The following NRP1 variants were observed in gnomAD, a reference collection of about 807,000 sequenced individuals.
The protein encoded by NRP1 is neuropilin 1.
Under a neutral mutation model 106.7 loss-of-function variants are expected in NRP1, and 35 were observed. The observed-to-expected ratio is 0.33, with a 90% CI of 0.25 to 0.43. The LOEUF is 0.43. NRP1 is among the 20% of genes least tolerant of loss of function. NRP1 has a pLI of 1.00. For synonymous variants in NRP1, 437 were observed against 417.9 expected, an observed-to-expected ratio of 1.05 and a Z score of -0.56; for missense variants, 1,024 against 1,170.4, an observed-to-expected ratio of 0.87 and a Z score of 1.83.
At position 33,199,367 on chromosome 10, in the gene NRP1, C is replaced by CTATATATATATATATATATATA. The variant is rs1413431395; in HGVS notation, c.1865-1680_1865-1659dup. 2.8e-3 allele frequency among the ~76,000 whole-genome samples: 150 copies of CTATATATATATATATATATATA among 54,260 alleles called. 19 individuals are homozygous for CTATATATATATATATATATATA. Among genetic ancestry groups the CTATATATATATATATATATATA allele is most frequent in the East Asian group, 0.014 (13 of 952 alleles). The allele number at this position is 54,260 out of a possible 152,430, so 35.6% of individuals were successfully genotyped here. A position where few individuals can be genotyped will look rare whatever the true frequency, so the allele number is the denominator to read the frequency against. On this transcript the variant is annotated intron_variant, in intron 11 of 16. Transcript: ENST00000374867. The stretch of plus-strand genomic sequence containing the variant: ...GTGCGCCACCATGCCTGGCTGTTTT[C>CTATATATATATATATATATATA]TATATATATATATATATATATATTT...
Position 33,185,814 on chromosome 10 carries a change from A to G in NRP1, c.2335-90T>C, listed in dbSNP as rs1375067526. 1.8e-5 allele frequency: 20 copies of G among 1,114,324 alleles called. No homozygotes were observed. The Admixed American group carries it at 3.5e-4, about 20-fold the overall frequency. 69.0% of individuals were successfully genotyped at this position (1,114,324 alleles called of 1,614,324 possible). On this transcript the variant is annotated intron_variant, in intron 14 of 16. Coordinates refer to ENST00000374867, the MANE Select transcript of NRP1 (RefSeq NM_003873.7). Reference sequence around the variant, plus strand: ...GCTTGTTCAGCTCCAGCTACGGCACATAAATTAAATTCATCAGATTCAGCG... The same window carrying G: ...GCTTGTTCAGCTCCAGCTACGGCACGTAAATTAAATTCATCAGATTCAGCG...
intron 13 of NRP1, among the ~76,000 whole-genome samples, chr10:33,189,565 G>C (rs1412181649): frequency 6.6e-6 from 1 of 152,170 alleles, no homozygotes; most frequent in Non-Finnish European, 1.5e-5. Flanking sequence ...GTCAGCATCT[G>C]CCCTGTAACA....
chr10:33,203,026 C>G, intron 10 of NRP1, 31 bp from the exon 11 acceptor site: 1 of 1,582,498 alleles, frequency 6.3e-7, no homozygotes, highest in Non-Finnish European at 8.6e-7. Context: ...TATTATCTCA[C>G]ACCTTGGAAA....
intron 2 of NRP1, among the ~76,000 whole-genome samples, chr10:33,274,286 A>C (rs1474842098): frequency 6.6e-6 from 1 of 151,846 alleles, no homozygotes; most frequent in Non-Finnish European, 1.5e-5. Context: ...ATTTCCCCAG[A>C]CTCCTCATCC....
At chr10:33,185,078 A>G (rs1588680967) in intron 15 of NRP1, among the ~76,000 whole-genome samples, 1 of 152,034 alleles carries the variant, frequency 6.6e-6, no homozygotes, top group Non-Finnish European at 1.5e-5. Flanking sequence ...ATAAAGACCA[A>G]CTCTGAAATA....
intron 6 of NRP1, among the ~76,000 whole-genome samples, 175 bp from the exon 7 acceptor site, chr10:33,226,464 G>A (rs1010998242): frequency 3.3e-5 from 5 of 152,082 alleles, no homozygotes; most frequent in Admixed American, 2.6e-4. Flanking sequence ...TTAAAAAAAG[G>A]CAAAGGCATG....
intron 2 of NRP1, among the ~76,000 whole-genome samples, chr10:33,299,594 C>T (rs1280689520): frequency 6.6e-6 from 1 of 152,094 alleles, no homozygotes; most frequent in Non-Finnish European, 1.5e-5. Context: ...GCCTGGGCAA[C>T]ATAGTGAGAC....
chr10:33,207,055 A>T (rs2474714), intron 10 of NRP1, among the ~76,000 whole-genome samples: 1 of 151,964 alleles, frequency 6.6e-6, no homozygotes, highest in Non-Finnish European at 1.5e-5. Context: ...CTATGTGCTG[A>T]TAATCGACAC....
intron 6 of NRP1, among the ~76,000 whole-genome samples, chr10:33,250,990 A>G (rs908205102): frequency 1.3e-5 from 2 of 152,178 alleles, no homozygotes; most frequent in African/African-American, 4.8e-5. Context: ...AAGAACCATC[A>G]TGATGAGCTG....
chr10:33,213,399 T>C lies in NRP1; in HGVS notation c.1601A>G (p.Lys534Arg). Residue 534 changes from lysine (K) to arginine (R), a missense_variant, in exon 9 of 17, where the codon AAA (lysine) becomes AGA (arginine). Physicochemically the swap from Lys to Arg is conservative, Grantham distance 26. Transcript: ENST00000374867. ...SDWKMIMDDSKRKAKSFEGNN... is the reference protein window; with the variant it reads ...SDWKMIMDDSRRKAKSFEGNN... ...CCCAGCCCTCACCTTCGCCTTGCGT[T>C]TGCTGTCATCCATGATCATCTTCCA... 1 of 1,613,992 alleles carries C rather than the reference T, an allele frequency of 6.2e-7. No individual in the cohort carries two copies. The highest frequency in any genetic ancestry group is 2.2e-5 in the East Asian group (1 of 44,838).
chr10:33,239,261 C>G (rs1840821016), intron 6 of NRP1, among the ~76,000 whole-genome samples: 1 of 151,532 alleles, frequency 6.6e-6, no homozygotes, highest in South Asian at 2.1e-4. Flanking sequence ...GCACTCCAGC[C>G]TGGGCAACAG....
intron 3 of NRP1, among the ~76,000 whole-genome samples, chr10:33,268,033 A>G (rs1564439767): frequency 6.6e-6 from 1 of 152,174 alleles, no homozygotes; most frequent in Non-Finnish European, 1.5e-5. Context: ...GGAAACTTGA[A>G]ATTGCTGCAT....
At chr10:33,195,950 T>C (rs1223065197) in intron 12 of NRP1, among the ~76,000 whole-genome samples, 2 of 152,140 alleles carry the variant, frequency 1.3e-5, no homozygotes, top group Non-Finnish European at 2.9e-5. Context: ...TGTTTGCAAT[T>C]TGCATACCTG....
At chr10:33,227,380 G>A (rs1308471444) in intron 6 of NRP1, among the ~76,000 whole-genome samples, 4 of 152,160 alleles carry the variant, frequency 2.6e-5, no homozygotes, top group African/African-American at 9.7e-5. Flanking sequence ...AAAGCTCTAA[G>A]GGTGTTGTGG....
chr10:33,202,707 A>G (rs1175129367), intron 11 of NRP1, 184 bp downstream of exon 11: 3 of 1,551,750 alleles, frequency 1.9e-6, no homozygotes, highest in South Asian at 1.2e-5. Flanking sequence ...TGTGGCTATT[A>G]AGAACAACTC....
chr10:33,322,125 G>C (rs1316276358), intron 2 of NRP1, among the ~76,000 whole-genome samples: 1 of 152,112 alleles, frequency 6.6e-6, no homozygotes, highest in Admixed American at 6.6e-5. Flanking sequence ...TAGATGACCA[G>C]CGCTTGGAAG....
rs145872657 is a variant in NRP1, at chr10:33,179,910, C to T, written c.*166G>A. 2.4e-4 allele frequency: 168 copies of T among 703,148 alleles called. No individual in the cohort carries two copies. The African/African-American group carries it at 2.7e-3, about 11-fold the overall frequency. The allele number at this position is 703,148 out of a possible 1,614,324, so 43.6% of individuals were successfully genotyped here. Reference sequence around the variant, plus strand: ...CATGAGTCCGATGGTGAACACAGCTCCTTGTCCATGTCTGTCGGCCATACT... The same window carrying T: ...CATGAGTCCGATGGTGAACACAGCTTCTTGTCCATGTCTGTCGGCCATACT... On this transcript the variant is annotated 3_prime_UTR_variant, in exon 17 of 17. Coordinates refer to ENST00000374867, the MANE Select transcript of NRP1 (RefSeq NM_003873.7).
Position 33,257,190 on chromosome 10 carries a change from T to G in NRP1, c.659-719A>C, listed in dbSNP as rs986230746. Among the ~76,000 whole-genome samples, 5 of 152,218 alleles carry G rather than the reference T, an allele frequency of 3.3e-5. No individual in the cohort carries two copies. In the East Asian group the frequency reaches 9.6e-4, roughly 29 times the overall value. On this transcript the variant is annotated intron_variant, in intron 4 of 16. Coordinates refer to ENST00000374867, the MANE Select transcript of NRP1 (RefSeq NM_003873.7). ...AATAAAAATGCATCTGTCTGACTTC[T>G]GTCCTAGTTTCTTCTCTCCTAAATC...
At chr10:33,193,128 T>A (rs1342118837) in intron 12 of NRP1, among the ~76,000 whole-genome samples, 1 of 152,182 alleles carries the variant, frequency 6.6e-6, no homozygotes, top group East Asian at 1.9e-4. Flanking sequence ...TACCCGTTTT[T>A]ACTTCTCTTT....
Sources: allele counts gnomAD v4.1 joint callset (sites outside exome capture counted in the v4.1 genomes callset), GRCh38; gene constraint gnomAD v4.1.1; transcripts MANE v1.5; gene names NCBI Gene and HGNC (gene_info 2026-07-23, HGNC 2026-07-21).